ST3GAL3: variants seen among roughly 807,000 people sequenced by gnomAD.
ST3GAL3 encodes CMP-N-acetylneuraminate-beta-1,4-galactoside alpha-2,3-sialyltransferase.
In ST3GAL3, 21 loss-of-function variants were observed where a neutral mutation model predicts 50.1. That is an observed-to-expected ratio of 0.42 (90% CI 0.30 to 0.60). The LOEUF is 0.60. ST3GAL3 is among the 20% of genes least tolerant of loss of function. ST3GAL3 has a pLI of 0.19. For synonymous variants in ST3GAL3, 183 were observed against 190.0 expected (o/e 0.96, Z 0.30); for missense variants, 353 against 489.4 (o/e 0.72, Z 2.63).
intron 5 of ST3GAL3, among the ~76,000 whole-genome samples, chr1:43,845,500 A>G (rs1482860099): frequency 6.6e-6 from 1 of 151,960 alleles, no homozygotes; most frequent in Admixed American, 6.6e-5. Context: ...CATGCCTGAT[A>G]TTCGTAATTT....
intron 5 of ST3GAL3, among the ~76,000 whole-genome samples, chr1:43,873,298 G>A (rs764558946): frequency 3.4e-4 from 52 of 152,160 alleles, no homozygotes; most frequent in Non-Finnish European, 6.0e-4. Context: ...CAGCACAGGT[G>A]TGAGTATGAG....
At chr1:43,727,863 T>TA (rs1034185677) in intron 1 of ST3GAL3, among the ~76,000 whole-genome samples, 6 of 152,100 alleles carry the variant, frequency 3.9e-5, no homozygotes, top group African/African-American at 1.4e-4. Context: ...AAACCTTTTT[T>TA]AAAAAAATAA....
At chr1:43,844,102 G>A (rs1472327022) in intron 5 of ST3GAL3, among the ~76,000 whole-genome samples, 3 of 152,204 alleles carry the variant, frequency 2.0e-5, no homozygotes, top group South Asian at 2.1e-4. Flanking sequence ...ACAGCCAGTT[G>A]GAAGAGATGC....
chr1:43,916,995 G>A (rs1311752679), intron 9 of ST3GAL3: 2 of 152,044 alleles, frequency 1.3e-5, no homozygotes, highest in Non-Finnish European at 2.9e-5. Flanking sequence ...CACTTTGTAA[G>A]TAATACTGTA....
chr1:43,731,241 C>T (rs927004962), intron 1 of ST3GAL3, among the ~76,000 whole-genome samples: 7 of 151,918 alleles, frequency 4.6e-5, no homozygotes, highest in African/African-American at 7.3e-5. Context: ...GATAGAGTCT[C>T]GCTCTGTCGC....
intron 2 of ST3GAL3, chr1:43,738,156 G>A (rs1317227619): frequency 6.6e-6 from 1 of 152,218 alleles, no homozygotes; most frequent in Non-Finnish European, 1.5e-5. Context: ...AGAGTGTCAG[G>A]AAGGGGGTGT....
intron 5 of ST3GAL3, among the ~76,000 whole-genome samples, chr1:43,849,912 C>T (rs1438907394): frequency 1.3e-5 from 2 of 152,190 alleles, no homozygotes. Context: ...AGGAGCATTT[C>T]CTCTCTGCTG....
chr1:43,735,042 G>A (rs1248506115), intron 1 of ST3GAL3, among the ~76,000 whole-genome samples: 1 of 152,144 alleles, frequency 6.6e-6, no homozygotes, highest in Non-Finnish European at 1.5e-5. Flanking sequence ...TGAATAGAAA[G>A]TACAATGACT....
intron 5 of ST3GAL3, among the ~76,000 whole-genome samples, chr1:43,878,144 T>C (rs1304333966): frequency 6.6e-6 from 1 of 152,176 alleles, no homozygotes; most frequent in Admixed American, 6.5e-5. Context: ...ATCTCTTGTC[T>C]CGTGGCCGCA....
intron 3 of ST3GAL3, among the ~76,000 whole-genome samples, chr1:43,800,795 G>A (rs2059228519): frequency 6.6e-6 from 1 of 152,200 alleles, no homozygotes; most frequent in Admixed American, 6.5e-5. Context: ...CCTTCATTCT[G>A]CAAGCCTGAC....
intron 5 of ST3GAL3, among the ~76,000 whole-genome samples, chr1:43,857,173 C>T (rs569364398): frequency 2.0e-5 from 3 of 152,302 alleles, no homozygotes; most frequent in South Asian, 4.1e-4. Context: ...AGGTGAATGA[C>T]AGGCAAAGCC....
chr1:43,777,213 G>A (rs1357222641), intron 2 of ST3GAL3, among the ~76,000 whole-genome samples: 1 of 152,094 alleles, frequency 6.6e-6, no homozygotes, highest in Non-Finnish European at 1.5e-5. Context: ...AAAAGCCAAT[G>A]TGTTATTACC....
intron 9 of ST3GAL3, among the ~76,000 whole-genome samples, chr1:43,909,377 A>C (rs1283434490): frequency 6.6e-6 from 1 of 152,190 alleles, no homozygotes; most frequent in African/African-American, 2.4e-5. Flanking sequence ...TTCTTTATGC[A>C]GTTCCAAGAT....
chr1:43,738,794 G>C (rs1307775602), intron 2 of ST3GAL3: 2 of 152,094 alleles, frequency 1.3e-5, no homozygotes, highest in East Asian at 3.9e-4. Context: ...CACTGCGCCC[G>C]GCCGGAGAGG....
At chr1:43,834,392 G>C (rs977213802) in intron 4 of ST3GAL3, among the ~76,000 whole-genome samples, 1 of 152,110 alleles carries the variant, frequency 6.6e-6, no homozygotes, top group African/African-American at 2.4e-5. Flanking sequence ...GTCTCTTCCT[G>C]TTTTCTCTTA....
chr1:43,844,083 T>C (rs1005149195), intron 5 of ST3GAL3, among the ~76,000 whole-genome samples: 1 of 152,224 alleles, frequency 6.6e-6, no homozygotes, highest in African/African-American at 2.4e-5. Context: ...TCATAAAGGA[T>C]ACGGATGAAC....
intron 1 of ST3GAL3, among the ~76,000 whole-genome samples, chr1:43,727,626 T>C (rs974533889): frequency 6.6e-6 from 1 of 152,170 alleles, no homozygotes; most frequent in Non-Finnish European, 1.5e-5. Context: ...GAGAAAGCCA[T>C]CAGTTTTAAC....
chr1:43,767,118 A>C (rs781543052), intron 2 of ST3GAL3, among the ~76,000 whole-genome samples: 1 of 152,090 alleles, frequency 6.6e-6, no homozygotes, highest in African/African-American at 2.4e-5. Context: ...GAGAGAAAGA[A>C]AAGAGGTAGG....
Position 43,733,753 on chromosome 1 carries a change from T to TA in ST3GAL3, c.-30-2480_-30-2479insA, listed in dbSNP as rs199880833. Among the ~76,000 whole-genome samples, 993 of 152,376 alleles carry TA rather than the reference T, an allele frequency of 6.5e-3. 10 individuals carry two copies. The highest frequency in any genetic ancestry group is 0.023 in the African/African-American group (949 of 41,590). On this transcript the variant is annotated intron_variant, in intron 1 of 11. Coordinates refer to ENST00000347631, the MANE Select transcript of ST3GAL3 (RefSeq NM_006279.5). Reference sequence around the variant, plus strand: ...GAAAATTCATGGATTTTGACTGGAATGAAACTGAATTTATAGAAAACTCAC... The same window carrying TA: ...GAAAATTCATGGATTTTGACTGGAATAGAAACTGAATTTATAGAAAACTCAC...
Sources: allele counts gnomAD v4.1 joint callset (sites outside exome capture counted in the v4.1 genomes callset), GRCh38; gene constraint gnomAD v4.1.1; transcripts MANE v1.5; gene names NCBI Gene and HGNC (gene_info 2026-07-23, HGNC 2026-07-21).